The following NSUN6 variants were observed in gnomAD, a reference collection of about 807,000 sequenced individuals.
The protein encoded by NSUN6 is tRNA (cytosine(72)-C(5))-methyltransferase NSUN6.
In NSUN6, 64 loss-of-function variants were observed where a neutral mutation model predicts 58.0. That is an observed-to-expected ratio of 1.10 (90% CI 0.90 to 1.36). The LOEUF (loss-of-function observed/expected upper bound fraction) is 1.36, where lower values mean the gene tolerates loss of function less well. Among genes scored for constraint, NSUN6 ranks in the 40% most tolerant of loss-of-function variants. The probability of loss-of-function intolerance (pLI) is 0.00; values close to 1 mark genes in which losing one functional copy is unlikely to be tolerated. For synonymous variants in NSUN6, 231 were observed against 193.9 expected (o/e 1.19, Z -1.59); for missense variants, 701 against 550.1 (o/e 1.27, Z -2.74).
intron 6 of NSUN6, among the ~76,000 whole-genome samples, chr10:18,608,833 C>T (rs886337823): frequency 5.3e-5 from 8 of 152,096 alleles, no homozygotes; most frequent in African/African-American, 1.9e-4. Flanking sequence ...AAAAAAACTC[C>T]ACTGAAACTA....
At chr10:18,620,609 G>C (rs914351252) in intron 3 of NSUN6, among the ~76,000 whole-genome samples, 1 of 152,062 alleles carries the variant, frequency 6.6e-6, no homozygotes, top group African/African-American at 2.4e-5. Flanking sequence ...GCATAACCTT[G>C]CCCACCTTAA....
At chr10:18,565,874 T>G (rs1005633088) in intron 8 of NSUN6, among the ~76,000 whole-genome samples, 1 of 150,970 alleles carries the variant, frequency 6.6e-6, no homozygotes, top group Non-Finnish European at 1.5e-5. Context: ...CAGTTCATTC[T>G]GCATTCCATT....
Position 18,600,959 on chromosome 10 carries a change from TAC to T in NSUN6, c.658-4634_658-4633del, listed in dbSNP as rs1554869994. Among the ~76,000 whole-genome samples, 15 of 64,958 alleles carry T rather than the reference TAC, an allele frequency of 2.3e-4. 1 individual carries two copies. The East Asian group carries it at 6.1e-3, about 27-fold the overall frequency. 42.6% of individuals were successfully genotyped at this position (64,958 alleles called of 152,430 possible). On this transcript the variant is annotated intron_variant, in intron 6 of 10. Transcript: ENST00000377304. ...AAAAAAAAATATATATATATATATA[TAC>T]ATATATATATATATATGTATATATA... is the stretch of plus-strand genomic sequence containing the variant.
intron 8 of NSUN6, among the ~76,000 whole-genome samples, chr10:18,572,239 T>C (rs763575038): frequency 4.1e-5 from 6 of 144,902 alleles, no homozygotes; most frequent in Admixed American, 2.0e-4. Flanking sequence ...CCCTTCCCCA[T>C]TGCATTGTCC....
intron 3 of NSUN6, among the ~76,000 whole-genome samples, chr10:18,639,835 G>A (rs1444509426): frequency 6.6e-6 from 1 of 152,216 alleles, no homozygotes; most frequent in Non-Finnish European, 1.5e-5. Context: ...ATACACTGCT[G>A]AAACATTAAC....
chr10:18,552,045 G>T (rs1187705053), intron 8 of NSUN6, 74 bp from the exon 9 acceptor site: 1 of 806,590 alleles, frequency 1.2e-6, no homozygotes, highest in South Asian at 2.4e-5. Flanking sequence ...AGATGAGCAG[G>T]AATTTAAAAT....
chr10:18,589,214 TAGAGAAA>T (rs2057286845), intron 7 of NSUN6, among the ~76,000 whole-genome samples: 2 of 151,724 alleles, frequency 1.3e-5, no homozygotes, highest in Admixed American at 1.3e-4. Flanking sequence ...AAGACAAGAT[TAGAGAAA>T]AAACAATGAA....
Position 18,624,184 on chromosome 10 carries a change from T to A in NSUN6, c.312-7891A>T, listed in dbSNP as rs561850798. 2.6e-5 allele frequency among the ~76,000 whole-genome samples: 4 copies of A among 151,714 alleles called. No homozygotes were observed. In the South Asian group the frequency reaches 6.2e-4, roughly 24 times the overall value. ...ACAAAGATGAAAGTAAACTAGCAGC[T>A]AAGAAAATAAAGGACAATAAAACTT... On this transcript the variant is annotated intron_variant, in intron 3 of 10. Transcript: ENST00000377304.
upstream of NSUN6, chr10:18,652,326 A>G: frequency 2.0e-6 from 2 of 984,168 alleles, no homozygotes; most frequent in Non-Finnish European, 1.2e-6. Flanking sequence ...GAAAGTCAAA[A>G]TAATTCTATC....
At chr10:18,583,877 A>G (rs1315988854) in intron 8 of NSUN6, among the ~76,000 whole-genome samples, 1 of 152,174 alleles carries the variant, frequency 6.6e-6, no homozygotes, top group Non-Finnish European at 1.5e-5. Context: ...TATTTTAAAA[A>G]TTATTTTCTG....
chr10:18,638,590 T>C (rs7097524), intron 3 of NSUN6, among the ~76,000 whole-genome samples: 20,128 of 152,092 alleles, frequency 0.13, 1,526 homozygotes, highest in East Asian at 0.39. Flanking sequence ...AGGAAAAGTT[T>C]TTGGTGGGCC....
At chr10:18,609,795 CTGATG>C (rs2058167768) in intron 6 of NSUN6, 45 bp downstream of exon 6, 1 of 964,446 alleles carries the variant, frequency 1.0e-6, no homozygotes, top group Admixed American at 1.9e-5. Context: ...AAATAATTCA[CTGATG>C]TATGTTTCAA....
chr10:18,584,943 T>A (rs373085886), intron 8 of NSUN6, among the ~76,000 whole-genome samples: 1 of 146,498 alleles, frequency 6.8e-6, no homozygotes. Context: ...AGTAAAACTA[T>A]CTCTCAAAAA....
At chr10:18,657,848 G>A (rs1392996295), upstream of NSUN6, among the ~76,000 whole-genome samples, 2 of 151,926 alleles carry the variant, frequency 1.3e-5, no homozygotes, top group African/African-American at 4.8e-5. Flanking sequence ...TCTTGACTTC[G>A]TGATCCACCC....
intron 7 of NSUN6, among the ~76,000 whole-genome samples, chr10:18,594,681 C>A (rs912138795): frequency 8.5e-5 from 13 of 152,124 alleles, no homozygotes; most frequent in African/African-American, 3.1e-4. Context: ...GATCTCTTAA[C>A]CTCGTGATCC....
chr10:18,653,615 C>T (rs1007957751), upstream of NSUN6, among the ~76,000 whole-genome samples: 2 of 152,162 alleles, frequency 1.3e-5, no homozygotes, highest in African/African-American at 4.8e-5. Flanking sequence ...CAAAGTGATC[C>T]ACCCACTTCA....
intron 3 of NSUN6, among the ~76,000 whole-genome samples, chr10:18,618,740 C>T (rs1306282596): frequency 6.8e-6 from 1 of 147,142 alleles, no homozygotes; most frequent in African/African-American, 2.5e-5. Context: ...ATTTCACTTT[C>T]ATATTTTTAA....
chr10:18,619,931 T>C lies in NSUN6; in HGVS notation c.312-3638A>G, dbSNP rs180691443. ...CATTAAATATTTTTACTATGTGCGA[T>C]GCAATATATTATAAAACATCCCTTT... On this transcript the variant is annotated intron_variant, in intron 3 of 10. Coordinates refer to ENST00000377304, the MANE Select transcript of NSUN6 (RefSeq NM_182543.5). Among the ~76,000 whole-genome samples, 833 of 152,276 alleles carry C rather than the reference T, an allele frequency of 5.5e-3. 13 individuals are homozygous for C. The Middle Eastern group carries it at 0.092, about 17-fold the overall frequency.
intron 6 of NSUN6, among the ~76,000 whole-genome samples, chr10:18,599,616 T>C (rs968337027): frequency 6.6e-6 from 1 of 152,138 alleles, no homozygotes; most frequent in Non-Finnish European, 1.5e-5. Flanking sequence ...GATTACCACA[T>C]AGCTGCACAT....
Sources: gnomAD v4.1 joint callset for allele counts (sites outside exome capture counted in the v4.1 genomes callset) on GRCh38, gnomAD v4.1.1 for gene constraint, MANE v1.5 for transcripts, NCBI Gene and HGNC (gene_info 2026-07-23, HGNC 2026-07-21) for gene names.